Variants in ADAR observed in about 807,000 individuals in gnomAD.
ADAR encodes adenosine deaminase RNA specific, also known as double-stranded RNA-specific adenosine deaminase.
A neutral mutation model predicts 113.2 loss-of-function variants in ADAR; 41 were observed. The ratio of observed to expected loss-of-function variants is 0.36; its 90% confidence interval spans 0.28 to 0.47. The LOEUF is 0.47. Ranked by LOEUF, ADAR falls within the 20% of genes least tolerant of loss-of-function variation. The pLI is 1.00. For missense variants in ADAR, 1,242 were observed against 1,540.9 expected (o/e 0.81, Z 3.25); for synonymous variants, 605 against 572.6 (o/e 1.06, Z -0.81).
Position 154,585,257 on chromosome 1 carries a change from C to A in ADAR, c.3403G>T (p.Asp1135Tyr). The A allele has an allele frequency of 1.2e-6, 2 of 1,614,186 alleles. No individual in the cohort carries two copies. The highest frequency in any genetic ancestry group is 1.7e-6 in the Non-Finnish European group (2 of 1,180,044). The change falls in exon 14 of 15, where the codon GAC becomes TAC. Residue 1135 changes from aspartate to tyrosine, a missense_variant. By Grantham distance (160) the Asp-to-Tyr change is radical. Coordinates refer to ENST00000368474, the MANE Select transcript of ADAR (RefSeq NM_001111.5). ...CTGGTACCGTCCAGGATCTCCAGGT[C>A]ATAGCCATCAGCCAGACACCAGTTG... ...SVNWCLADGYDLEILDGTRGT... is the reference protein window; with the variant it reads ...SVNWCLADGYYLEILDGTRGT...
rs1027165880 is a variant in ADAR at position 154,589,597 on chromosome 1, C to T, written c.2669-135G>A. ...AGATCCTAGACTCCCATATTCTCTC[C>T]TCTAGGAACTAAGAACTCATTCCTC... On this transcript the variant is annotated intron_variant, in intron 8 of 14. Transcript: ENST00000368474. 25 of 1,191,442 alleles carry T rather than the reference C, an allele frequency of 2.1e-5. No individual in the cohort carries two copies. The East Asian group carries it at 5.6e-4, about 27-fold the overall frequency. 73.8% of individuals were successfully genotyped at this position (1,191,442 alleles called of 1,614,324 possible). A position where few individuals can be genotyped will look rare whatever the true frequency, so the allele number is the denominator to read the frequency against.
In ADAR at chr1:154,584,755, T is replaced by C. The variant is rs1696632980; in HGVS notation, c.*51A>G. The C allele has an allele frequency of 1.4e-6, 2 of 1,462,110 alleles. No homozygotes were observed. The highest frequency in any genetic ancestry group is 1.4e-5 in the African/African-American group (1 of 71,612). The allele number at this position is 1,462,110 out of a possible 1,614,324, so 90.6% of individuals were successfully genotyped here. On this transcript the variant is annotated 3_prime_UTR_variant, in exon 15 of 15. Coordinates refer to ENST00000368474, the MANE Select transcript of ADAR (RefSeq NM_001111.5). The stretch of plus-strand genomic sequence containing the variant: ...GTGATGAGGAATGCTACGACCTACC[T>C]CTCTCACACCCTAGTATGACACACC...
Position 154,588,335 on chromosome 1 carries a change from T to G in ADAR, c.2886-77A>C, listed in dbSNP as rs1174221139. ...CGTGGGGCTCCAAAACAGTCAGATG[T>G]GACAGAAGCAAGGGATGTTTTCTAA... On this transcript the variant is annotated intron_variant, in intron 10 of 14. Coordinates refer to ENST00000368474, the MANE Select transcript of ADAR (RefSeq NM_001111.5). The G allele has an allele frequency of 1.9e-6, 3 of 1,606,044 alleles. No individual in the cohort carries two copies. The African/African-American group carries it at 4.0e-5, about 21-fold the overall frequency.
In ADAR at chr1:154,586,215, G is replaced by A; in HGVS notation, c.3168C>T (p.Phe1056=). ...CAGATTTGAGATAAATGGGCTGCAG[G>A]AAGTGGGTCAACAGTGCCCCTTGCA... ...LGLQGALLTH[F]LQPIYLKSVT... Residue 1056 remains phenylalanine (F), a synonymous_variant, in exon 12 of 15, where the codon TTC becomes TTT. Coordinates refer to ENST00000368474, the MANE Select transcript of ADAR (RefSeq NM_001111.5). 1 of 1,614,230 alleles carries A rather than the reference G, an allele frequency of 6.2e-7. No individual in the cohort carries two copies. Among genetic ancestry groups the A allele is most frequent in the African/African-American group, 1.3e-5 (1 of 75,060 alleles).
chr1:154,589,775 C>T lies in ADAR; in HGVS notation c.2650G>A (p.Val884Ile), dbSNP rs760529708. ...MKKDSEDMGV[V>I]VSLGTGNRCV... The stretch of plus-strand genomic sequence containing the variant: ...CACTCACCTGTTCCCAAGCTGACGA[C>T]GACACCCATGTCCTCAGAGTCTTTT... The change falls in exon 8 of 15, where the codon GTC becomes ATC. Residue 884 changes from valine (V) to isoleucine (I), a missense_variant. Val to Ile is a conservative substitution (Grantham distance 29). This residue lies in a region of ADAR where 780 missense variants were observed against 1,057.9 expected (regional missense o/e 0.74). Coordinates refer to ENST00000368474, the MANE Select transcript of ADAR (RefSeq NM_001111.5). 21 of 1,613,994 alleles carry T rather than the reference C, an allele frequency of 1.3e-5. No individual in the cohort carries two copies. The highest frequency in any genetic ancestry group is 1.7e-5 in the Admixed American group (1 of 60,004).
intron 9 of ADAR, among the ~76,000 whole-genome samples, chr1:154,588,907 T>C (rs958675555): frequency 1.1e-4 from 17 of 152,218 alleles, no homozygotes; most frequent in African/African-American, 2.7e-4. Context: ...CTACAGGGAT[T>C]CTAGAGCAGA....
chr1:154,609,366 C>T (rs1698401569), upstream of ADAR, among the ~76,000 whole-genome samples: 1 of 152,176 alleles, frequency 6.6e-6, no homozygotes, highest in South Asian at 2.1e-4. Context: ...AATGTTCTTT[C>T]CCTGTGTTTA....
intron 6 of ADAR, among the ~76,000 whole-genome samples, chr1:154,596,159 T>C (rs548405343): frequency 5.9e-4 from 90 of 152,340 alleles, no homozygotes; most frequent in African/African-American, 2.1e-3. Flanking sequence ...TGCAGGGCTA[T>C]AGTAATATAT....
intron 6 of ADAR, among the ~76,000 whole-genome samples, chr1:154,592,526 G>A (rs749590068): frequency 1.4e-4 from 21 of 152,138 alleles, no homozygotes; most frequent in Middle Eastern, 3.2e-3. Context: ...GAGTGCTGAC[G>A]CTGGAGGTGG....
chr1:154,589,827 G>C lies in ADAR; in HGVS notation c.2598C>G (p.Arg866=), dbSNP rs749389266. The change falls in exon 8 of 15, where the codon CGC becomes CGG. Residue 866 remains arginine, a synonymous_variant. Transcript: ENST00000368474. ...TNSFQPSLLG[R]KILAAIIMKK... is the part of the protein sequence containing the mutation. ...TCATAATGATGGCGGCCAGAATCTT[G>C]CGGCCGAGCAAGGAGGGCTGGAAGC... The C allele has an allele frequency of 1.5e-5, 24 of 1,613,998 alleles. No individual in the cohort carries two copies. In the South Asian group the frequency reaches 1.8e-4, roughly 12 times the overall value.
At chr1:154,594,133 C>T (rs757264236) in intron 6 of ADAR, among the ~76,000 whole-genome samples, 28 of 152,188 alleles carry the variant, frequency 1.8e-4, no homozygotes, top group Admixed American at 1.5e-3. Flanking sequence ...CCACCCACCT[C>T]GGCCTCCCAA....
chr1:154,607,872 GACAC>G (rs71586026), intron 1 of ADAR, 116 bp downstream of exon 1: 11 of 1,245,482 alleles, frequency 8.8e-6, no homozygotes, highest in African/African-American at 1.5e-5. Flanking sequence ...TTGGCAAGAC[GACAC>G]ACACACACAC....
rs180855960 is a variant in ADAR at position 154,615,985 on chromosome 1, C to T, written c.-871+11870G>A. On this transcript the variant is annotated intron_variant, in intron 1 of 14. Coordinates refer to the ADAR transcript ENST00000368471. ...TGGCCTCTTTTCTATCCAGTCTTCT[C>T]GACACAGCTTGTGTGATCTCTGAAA... Among the ~76,000 whole-genome samples the T allele has an allele frequency of 3.3e-5, 5 of 152,256 alleles. No individual in the cohort carries two copies. In the East Asian group the frequency reaches 7.7e-4, roughly 23 times the overall value.
intron 1 of ADAR, among the ~76,000 whole-genome samples, chr1:154,604,559 T>C (rs1173372639): frequency 4.6e-5 from 7 of 152,232 alleles, no homozygotes; most frequent in African/African-American, 1.7e-4. Flanking sequence ...TGGTGGTCAA[T>C]TGTGTTTAAC....
chr1:154,616,376 C>T (rs1330439971), intron 1 of ADAR, among the ~76,000 whole-genome samples: 1 of 152,176 alleles, frequency 6.6e-6, no homozygotes, highest in African/African-American at 2.4e-5. Context: ...CATGCCCCAT[C>T]TCTCTGTCCC....
chr1:154,593,635 T>C (rs1697311940), intron 6 of ADAR, among the ~76,000 whole-genome samples: 1 of 152,196 alleles, frequency 6.6e-6, no homozygotes, highest in Non-Finnish European at 1.5e-5. Flanking sequence ...TATGAATTAG[T>C]AGAAGAGCAG....
chr1:154,591,059 C>A (rs892887428), intron 6 of ADAR, among the ~76,000 whole-genome samples: 2 of 152,164 alleles, frequency 1.3e-5, no homozygotes, highest in African/African-American at 4.8e-5. Flanking sequence ...TGTTTCACTA[C>A]TGTAAATGGA....
chr1:154,606,582 G>A (rs937937149), intron 1 of ADAR, among the ~76,000 whole-genome samples: 17 of 152,102 alleles, frequency 1.1e-4, no homozygotes, highest in Admixed American at 2.0e-4. Flanking sequence ...AGGGAGAGGA[G>A]GAGATTATTA....
Position 154,596,846 on chromosome 1 carries a change from T to C in ADAR, c.2229A>G (p.Glu743=). The C allele has an allele frequency of 6.2e-7, 1 of 1,613,994 alleles. No individual in the cohort carries two copies. Among genetic ancestry groups the C allele is most frequent in the Admixed American group, 1.7e-5 (1 of 60,008 alleles). ...EYARSHGFAA[E]FKLVDQSGPP... ...GTCCGGACTGGTCGACCAACTTGAA[T>C]TCAGCAGCAAAGCCATGGGAGCGGG... The change falls in exon 6 of 15, where the codon GAA becomes GAG. Residue 743 remains glutamate, a synonymous_variant. Coordinates refer to ENST00000368474, the MANE Select transcript of ADAR (RefSeq NM_001111.5).
Sources: gnomAD v4.1 joint callset for allele counts (sites outside exome capture counted in the v4.1 genomes callset) on GRCh38, gnomAD v4.1.1 for gene constraint, gnomAD v4.1.1 regional missense constraint, MANE v1.5 for transcripts, NCBI Gene and HGNC (gene_info 2026-07-23, HGNC 2026-07-21) for gene names.